Variants in FHIT observed in about 807,000 individuals in gnomAD.
FHIT encodes fragile histidine triad diadenosine triphosphatase.
A neutral mutation model predicts 17.9 loss-of-function variants in FHIT; 19 were observed. That is an observed-to-expected ratio of 1.06 (90% confidence interval 0.74 to 1.56). FHIT has a LOEUF of 1.56. Ranked by LOEUF, FHIT falls within the 40% of genes most tolerant of loss-of-function variation. FHIT has a pLI of 0.00. For synonymous variants in FHIT, 81 were observed against 69.7 expected, an observed-to-expected ratio of 1.16 and a Z score of -0.81; for missense variants, 248 against 189.2, an observed-to-expected ratio of 1.31 and a Z score of -1.82.
rs1173101470 is a variant in FHIT, at chr3:60,187,426, T to C, written c.104-173274A>G. Among the ~76,000 whole-genome samples the C allele has an allele frequency of 5.3e-5, 8 of 152,310 alleles. No individual in the cohort carries two copies. The East Asian group carries it at 1.5e-3, about 29-fold the overall frequency. ...TAAATTAGGCCATGGAGGGAAACTC[T>C]TGGATTGTTCCATTGCTGGTGCCCT... On this transcript the variant is annotated intron_variant, in intron 5 of 9. Coordinates refer to ENST00000492590, the MANE Select transcript of FHIT (RefSeq NM_002012.4).
chr3:59,827,357 AAC>A (rs1701012916), intron 8 of FHIT, among the ~76,000 whole-genome samples: 1 of 152,226 alleles, frequency 6.6e-6, no homozygotes, highest in Non-Finnish European at 1.5e-5. Flanking sequence ...TGGCAAAAAT[AAC>A]AGACATTTCT....
intron 3 of FHIT, among the ~76,000 whole-genome samples, chr3:61,022,463 T>C (rs1278990503): frequency 6.6e-6 from 1 of 151,824 alleles, no homozygotes; most frequent in Non-Finnish European, 1.5e-5. Flanking sequence ...AAACAATAAA[T>C]AGAAAAAGAG....
Position 60,761,767 on chromosome 3 carries a change from C to G in FHIT, c.-18+60152G>C, listed in dbSNP as rs757847353. ...GCTAGGACATAATAAATAATTCAAACAAGTTTTGAAAAATCATTTGGCCCA... is the reference window on the plus strand; with the variant it reads ...GCTAGGACATAATAAATAATTCAAAGAAGTTTTGAAAAATCATTTGGCCCA... On this transcript the variant is annotated intron_variant, in intron 4 of 9. Transcript: ENST00000492590. Among the ~76,000 whole-genome samples, 242 of 152,024 alleles carry G rather than the reference C, an allele frequency of 1.6e-3. 3 individuals are homozygous for G. Among genetic ancestry groups the G allele is most frequent in the African/African-American group, 5.2e-3 (217 of 41,454 alleles).
In FHIT at chr3:60,820,470, CT is replaced by C. The variant is rs554562170; in HGVS notation, c.-18+1448del. ...AAACTTTGTTTTCCAGGTAAACCATCTAAACAGGCAGGTGACCTGCCAGAGA... is the reference window on the plus strand; with the variant it reads ...AAACTTTGTTTTCCAGGTAAACCATCAAACAGGCAGGTGACCTGCCAGAGA... On this transcript the variant is annotated intron_variant, in intron 4 of 9. Transcript: ENST00000492590. Among the ~76,000 whole-genome samples the C allele has an allele frequency of 6.0e-4, 92 of 152,352 alleles. 1 individual carries two copies. The South Asian group carries it at 0.012, about 20-fold the overall frequency.
At chr3:61,033,199 A>G (rs1272958325) in intron 3 of FHIT, among the ~76,000 whole-genome samples, 12 of 152,214 alleles carry the variant, frequency 7.9e-5, no homozygotes, top group Non-Finnish European at 1.6e-4. Context: ...AGTCAAGTTG[A>G]CACAAAATTA....
intron 8 of FHIT, among the ~76,000 whole-genome samples, chr3:59,879,658 C>G (rs949303076): frequency 1.3e-5 from 2 of 152,016 alleles, no homozygotes; most frequent in African/African-American, 4.8e-5. Flanking sequence ...TACGTAGGGT[C>G]GAATAAATGA....
chr3:60,067,737 C>G (rs749982984), intron 5 of FHIT, among the ~76,000 whole-genome samples: 1 of 152,148 alleles, frequency 6.6e-6, no homozygotes, highest in African/African-American at 2.4e-5. Flanking sequence ...AATTTCCACG[C>G]GACAGCCCCA....
intron 4 of FHIT, among the ~76,000 whole-genome samples, chr3:60,735,981 A>T (rs2107998516): frequency 6.6e-6 from 1 of 152,348 alleles, no homozygotes; most frequent in Admixed American, 6.5e-5. Flanking sequence ...TCATTTCTAA[A>T]ATGGAGATTA....
intron 5 of FHIT, among the ~76,000 whole-genome samples, chr3:60,524,893 AG>A (rs2035514807): frequency 6.6e-6 from 1 of 152,208 alleles, no homozygotes; most frequent in African/African-American, 2.4e-5. Flanking sequence ...TTTCCTAATA[AG>A]GTACCATTCA....
chr3:60,479,301 T>C (rs2033495334), intron 5 of FHIT, among the ~76,000 whole-genome samples: 1 of 152,178 alleles, frequency 6.6e-6, no homozygotes, highest in African/African-American at 2.4e-5. Context: ...ATCATACCAA[T>C]TGATCCAAAA....
chr3:60,897,264 T>C (rs1553762169), intron 3 of FHIT, among the ~76,000 whole-genome samples: 1 of 152,238 alleles, frequency 6.6e-6, no homozygotes, highest in African/African-American at 2.4e-5. Context: ...TTTCATATAC[T>C]TAAGGACCCT....
intron 8 of FHIT, among the ~76,000 whole-genome samples, chr3:59,776,377 G>A (rs935403510): frequency 6.6e-6 from 1 of 152,198 alleles, no homozygotes; most frequent in Admixed American, 6.5e-5. Context: ...GGGACCTGAG[G>A]GCAGGGTCCA....
intron 5 of FHIT, among the ~76,000 whole-genome samples, chr3:60,342,025 G>C (rs560600739): frequency 6.6e-6 from 1 of 152,148 alleles, no homozygotes; most frequent in Non-Finnish European, 1.5e-5. Context: ...AGCAAAGCAA[G>C]AGGGGATCCT....
chr3:60,710,184 C>T (rs1281617723), intron 4 of FHIT, among the ~76,000 whole-genome samples: 1 of 150,840 alleles, frequency 6.6e-6, no homozygotes, highest in Non-Finnish European at 1.5e-5. Context: ...TTTTTTTAAC[C>T]ATAGTGCATG....
intron 5 of FHIT, among the ~76,000 whole-genome samples, chr3:60,493,236 C>T (rs890618205): frequency 4.6e-5 from 7 of 152,126 alleles, no homozygotes; most frequent in Admixed American, 6.5e-5. Context: ...GTGCCTATGA[C>T]GTGAGTTTTA....
intron 5 of FHIT, among the ~76,000 whole-genome samples, chr3:60,044,887 C>T (rs1701587386): frequency 6.6e-6 from 1 of 152,092 alleles, no homozygotes; most frequent in Non-Finnish European, 1.5e-5. Context: ...GCACAATGAG[C>T]TCATGAAAGA....
At chr3:60,319,365 G>C (rs79398703) in intron 5 of FHIT, among the ~76,000 whole-genome samples, 1 of 151,804 alleles carries the variant, frequency 6.6e-6, no homozygotes, top group Admixed American at 6.6e-5. Context: ...ACCTTCAAAG[G>C]ATCTGCTGAC....
intron 4 of FHIT, among the ~76,000 whole-genome samples, chr3:60,820,170 TG>T (rs1314905704): frequency 6.6e-6 from 1 of 151,942 alleles, no homozygotes; most frequent in East Asian, 1.9e-4. Context: ...TAGGTGGGCC[TG>T]GTGGCGGGCG....
intron 4 of FHIT, among the ~76,000 whole-genome samples, chr3:60,800,978 G>A (rs1553732038): frequency 6.6e-6 from 1 of 152,172 alleles, no homozygotes; most frequent in Non-Finnish European, 1.5e-5. Flanking sequence ...GGGCATGGGT[G>A]TGTTGACCCA....
Sources: allele counts gnomAD v4.1 joint callset (sites outside exome capture counted in the v4.1 genomes callset), GRCh38; gene constraint gnomAD v4.1.1; transcripts MANE v1.5; gene names NCBI Gene and HGNC (gene_info 2026-07-23, HGNC 2026-07-21).